Variants in CSMD1 observed in about 807,000 individuals in gnomAD.
The protein encoded by CSMD1 is CUB and sushi domain-containing protein 1.
CSMD1 carries 213 observed loss-of-function variants against 417.5 expected under a neutral mutation model. The ratio of observed to expected loss-of-function variants is 0.51; its 90% CI spans 0.46 to 0.57. The LOEUF (loss-of-function observed/expected upper bound fraction) is 0.57, where lower values mean the gene tolerates loss of function less well. Ranked by LOEUF, CSMD1 falls within the 20% of genes least tolerant of loss-of-function variation. CSMD1 has a pLI of 0.00. For synonymous variants in CSMD1, 2,862 were observed against 1,736.8 expected, an observed-to-expected ratio of 1.65 and a Z score of -16.11; for missense variants, 6,923 against 4,529.7, an observed-to-expected ratio of 1.53 and a Z score of -15.17.
chr8:4,990,120 G>T (rs1039924578), intron 1 of CSMD1, among the ~76,000 whole-genome samples: 34 of 152,140 alleles, frequency 2.2e-4, no homozygotes, highest in African/African-American at 8.0e-4. Context: ...CTTGCCATTT[G>T]CTTCTCTGGA....
intron 2 of CSMD1, among the ~76,000 whole-genome samples, chr8:4,550,817 T>G (rs75361004): frequency 0.097 from 14,697 of 152,180 alleles, 925 homozygotes; most frequent in African/African-American, 0.18. Flanking sequence ...CCACCACCAA[T>G]TGGTCCAAGT....
Position 2,938,506 on chromosome 8 carries a change from G to T in CSMD1, c.*79C>A. ...CAGTAAAGCCAGAGTGGAAGGGAGA[G>T]TGGTATATGGCACCAAAGGAATCAC... On this transcript the variant is annotated 3_prime_UTR_variant, in exon 70 of 70. Coordinates refer to ENST00000635120, the MANE Select transcript of CSMD1 (RefSeq NM_033225.6). 1.5e-6 allele frequency: 2 copies of T among 1,363,162 alleles called. No homozygotes were observed. The highest frequency in any genetic ancestry group is 1.4e-5 in the South Asian group (1 of 71,768). 84.4% of individuals were successfully genotyped at this position (1,363,162 alleles called of 1,614,324 possible). A position where few individuals can be genotyped will look rare whatever the true frequency, so the allele number is the denominator to read the frequency against.
chr8:3,889,312 GA>G (rs1806782123), intron 5 of CSMD1, among the ~76,000 whole-genome samples: 1 of 151,134 alleles, frequency 6.6e-6, no homozygotes, highest in Admixed American at 6.6e-5. Flanking sequence ...AAAAGGAAAA[GA>G]AGAAGAGACG....
chr8:4,390,156 A>G (rs1803744793), intron 3 of CSMD1, among the ~76,000 whole-genome samples: 1 of 152,146 alleles, frequency 6.6e-6, no homozygotes, highest in East Asian at 1.9e-4. Flanking sequence ...TTGTCATCCC[A>G]TTGTGTTTTA....
intron 53 of CSMD1, among the ~76,000 whole-genome samples, chr8:2,999,603 C>A (rs916051191): frequency 6.6e-6 from 1 of 152,320 alleles, no homozygotes; most frequent in Admixed American, 6.5e-5. Context: ...CCAGACTCTG[C>A]ACCTCCACCC....
intron 46 of CSMD1, among the ~76,000 whole-genome samples, chr8:3,104,896 A>G (rs1816022125): frequency 1.3e-5 from 2 of 151,978 alleles, no homozygotes; most frequent in African/African-American, 4.8e-5. Context: ...CAGTAGAGAC[A>G]GGTTTCTCCC....
intron 7 of CSMD1, among the ~76,000 whole-genome samples, chr8:3,668,475 G>C (rs1049961442): frequency 2.0e-5 from 3 of 152,126 alleles, no homozygotes; most frequent in Non-Finnish European, 2.9e-5. Flanking sequence ...ATAGAGTTTG[G>C]GGGATATTAC....
chr8:2,987,272 A>G (rs1027286857), intron 54 of CSMD1, among the ~76,000 whole-genome samples: 1 of 151,854 alleles, frequency 6.6e-6, no homozygotes, highest in Non-Finnish European at 1.5e-5. Flanking sequence ...GACATGAAAA[A>G]TTCTTCATGA....
intron 1 of CSMD1, among the ~76,000 whole-genome samples, chr8:4,928,685 T>C (rs891739076): frequency 5.9e-5 from 9 of 152,168 alleles, no homozygotes; most frequent in African/African-American, 2.2e-4. Flanking sequence ...AGCTGAATTG[T>C]GCCACCCTAG....
intron 3 of CSMD1, among the ~76,000 whole-genome samples, chr8:4,338,184 G>A (rs145672455): frequency 6.4e-4 from 98 of 152,184 alleles, no homozygotes; most frequent in African/African-American, 2.1e-3. Flanking sequence ...TGGTACTAAT[G>A]CAAGAGTTAG....
intron 27 of CSMD1, among the ~76,000 whole-genome samples, chr8:3,224,288 T>C (rs1585706605): frequency 6.6e-6 from 1 of 152,268 alleles, no homozygotes; most frequent in East Asian, 1.9e-4. Flanking sequence ...TTTTGCTATT[T>C]CTCACAGTTT....
At chr8:3,732,526 ACT>A (rs144180545) in intron 6 of CSMD1, among the ~76,000 whole-genome samples, 8,802 of 152,064 alleles carry the variant, frequency 0.058, 894 homozygotes, top group African/African-American at 0.2. Flanking sequence ...ATTTGCTGAG[ACT>A]CTGTATAATT....
intron 8 of CSMD1, among the ~76,000 whole-genome samples, chr8:3,587,010 G>A (rs759496400): frequency 2.0e-5 from 3 of 152,148 alleles, no homozygotes; most frequent in African/African-American, 7.2e-5. Flanking sequence ...ATGTTCGCCA[G>A]GCTGGTCTTC....
chr8:3,642,474 G>C (rs751006715), intron 7 of CSMD1, among the ~76,000 whole-genome samples: 1 of 152,144 alleles, frequency 6.6e-6, no homozygotes, highest in Non-Finnish European at 1.5e-5. Flanking sequence ...CCCAAGTAGT[G>C]ACCCAAGCAA....
chr8:3,399,904 C>A (rs1026875926), intron 15 of CSMD1, among the ~76,000 whole-genome samples: 1 of 152,070 alleles, frequency 6.6e-6, no homozygotes, highest in Non-Finnish European at 1.5e-5. Flanking sequence ...TGTAAAATGA[C>A]CTTACATCTC....
intron 6 of CSMD1, among the ~76,000 whole-genome samples, chr8:3,740,717 A>G (rs893960867): frequency 2.0e-5 from 3 of 152,194 alleles, no homozygotes; most frequent in African/African-American, 7.2e-5. Context: ...CTGCAAACGA[A>G]GAGTCTAAAA....
At chr8:4,656,115 T>C (rs1460360879) in intron 1 of CSMD1, among the ~76,000 whole-genome samples, 1 of 151,944 alleles carries the variant, frequency 6.6e-6, no homozygotes, top group Non-Finnish European at 1.5e-5. Context: ...GCAAAGTGTA[T>C]CGTGTGTGTC....
At chr8:4,064,283 A>T (rs2554697) in intron 3 of CSMD1, among the ~76,000 whole-genome samples, 1 of 151,964 alleles carries the variant, frequency 6.6e-6, no homozygotes, top group African/African-American at 2.4e-5. Flanking sequence ...TTATCGTACC[A>T]TATTTTATAT....
chr8:4,292,588 C>T (rs1339138107), intron 3 of CSMD1, among the ~76,000 whole-genome samples: 2 of 152,106 alleles, frequency 1.3e-5, no homozygotes, highest in African/African-American at 4.8e-5. Context: ...TTTATAACAA[C>T]CCACTATAAG....
Sources: allele counts gnomAD v4.1 joint callset (sites outside exome capture counted in the v4.1 genomes callset), GRCh38; gene constraint gnomAD v4.1.1; transcripts MANE v1.5; gene names NCBI Gene and HGNC (gene_info 2026-07-23, HGNC 2026-07-21).